RANBP2: variants seen among roughly 807,000 people sequenced by gnomAD.
RANBP2 encodes E3 SUMO-protein ligase RanBP2.
RANBP2 carries 57 observed loss-of-function variants against 303.6 expected under a neutral mutation model. The ratio of observed to expected loss-of-function variants is 0.19; its 90% CI spans 0.15 to 0.23. RANBP2 has a LOEUF of 0.23. Ranked by LOEUF, RANBP2 falls within the 10% of genes least tolerant of loss-of-function variation. The pLI is 1.00. For synonymous variants in RANBP2, 1,167 were observed against 1,301.5 expected (o/e 0.90, Z 2.23); for missense variants, 3,138 against 3,780.8 (o/e 0.83, Z 4.46).
the RANBP2 span, among the ~76,000 whole-genome samples, chr2:109,175,513 G>A: frequency 3.3e-5 from 5 of 152,340 alleles, no homozygotes; most frequent in South Asian, 1.0e-3. Context: ...TTAACTGAGA[G>A]CAAACAAGGA....
chr2:109,432,387 A>C, the RANBP2 span: 1 of 1,330,088 alleles, frequency 7.5e-7, no homozygotes, highest in East Asian at 2.5e-5. Flanking sequence ...CATAGACTCT[A>C]GTGGGTCTTT....
the RANBP2 span, among the ~76,000 whole-genome samples, chr2:108,960,183 C>T: frequency 2.6e-5 from 4 of 152,140 alleles, no homozygotes; most frequent in Non-Finnish European, 5.9e-5. Flanking sequence ...CCTGGGTGTC[C>T]TGGCAACCAC....
chr2:109,690,506 A>G, the RANBP2 span, among the ~76,000 whole-genome samples: 4 of 152,192 alleles, frequency 2.6e-5, no homozygotes, highest in East Asian at 1.9e-4. Flanking sequence ...TGACTTTCCC[A>G]TTTAGCTTAG....
chr2:109,403,083 C>T, the RANBP2 span, among the ~76,000 whole-genome samples: 4 of 152,288 alleles, frequency 2.6e-5, no homozygotes, highest in South Asian at 8.3e-4. Flanking sequence ...TTTGCTCTTT[C>T]TTTGGTGTTG....
At chr2:109,327,965 C>T in the RANBP2 span, among the ~76,000 whole-genome samples, 1 of 152,192 alleles carries the variant, frequency 6.6e-6, no homozygotes, top group Non-Finnish European at 1.5e-5. Flanking sequence ...CTGTGTCAGG[C>T]GATATCCAGC....
chr2:108,973,561 G>A, the RANBP2 span, among the ~76,000 whole-genome samples: 1 of 152,208 alleles, frequency 6.6e-6, no homozygotes, highest in Non-Finnish European at 1.5e-5. Context: ...CAGCCTGTGA[G>A]TGTGGCTCCT....
chr2:109,585,100 T>C, the RANBP2 span: 1 of 1,455,834 alleles, frequency 6.9e-7, no homozygotes, highest in Non-Finnish European at 9.2e-7. Context: ...GAAAAACTTG[T>C]TTTATTACAA....
At chr2:109,689,619 A>G in the RANBP2 span, among the ~76,000 whole-genome samples, 7 of 152,296 alleles carry the variant, frequency 4.6e-5, no homozygotes, top group African/African-American at 1.7e-4. Context: ...AAATCCAGCC[A>G]GGCCTTCAAC....
At chr2:109,485,348 A>G in the RANBP2 span, among the ~76,000 whole-genome samples, 1 of 152,234 alleles carries the variant, frequency 6.6e-6, no homozygotes, top group Non-Finnish European at 1.5e-5. Context: ...AATGACTTGT[A>G]TCTCTGTTTA....
chr2:108,885,972 T>C, the RANBP2 span, among the ~76,000 whole-genome samples: 1 of 152,208 alleles, frequency 6.6e-6, no homozygotes, highest in Non-Finnish European at 1.5e-5. Context: ...AGTGTTTCAT[T>C]GTGTATATGT....
chr2:109,383,262 A>G, the RANBP2 span, among the ~76,000 whole-genome samples: 7 of 152,288 alleles, frequency 4.6e-5, no homozygotes, highest in South Asian at 1.2e-3. Flanking sequence ...AGAAGAAACC[A>G]TGTCTGATTT....
At chr2:109,519,108 G>A in the RANBP2 span, among the ~76,000 whole-genome samples, 3 of 151,598 alleles carry the variant, frequency 2.0e-5, no homozygotes, top group East Asian at 1.9e-4. Flanking sequence ...TAGTAGAGAC[G>A]GGGTTTCACC....
the RANBP2 span, among the ~76,000 whole-genome samples, chr2:109,493,484 C>A: frequency 5.3e-5 from 8 of 151,502 alleles, no homozygotes; most frequent in African/African-American, 1.9e-4. Context: ...AACACATACC[C>A]CACATACACC....
the RANBP2 span, among the ~76,000 whole-genome samples, chr2:108,828,342 A>G: frequency 1.3e-5 from 2 of 152,240 alleles, no homozygotes; most frequent in Admixed American, 6.5e-5. Context: ...TTTATATGTC[A>G]AAGAATACTA....
intron 1 of RANBP2, among the ~76,000 whole-genome samples, chr2:108,727,730 G>A (rs1694844401): frequency 6.6e-6 from 1 of 151,172 alleles, no homozygotes; most frequent in African/African-American, 2.4e-5. Context: ...AGCCTCCCAA[G>A]CAGTGGGGAT....
chr2:109,288,227 C>G, the RANBP2 span, among the ~76,000 whole-genome samples: 2 of 152,186 alleles, frequency 1.3e-5, no homozygotes, highest in Non-Finnish European at 2.9e-5. Context: ...ATCCCTGGGC[C>G]TCAAGAACAA....
chr2:109,563,644 G>A, the RANBP2 span, among the ~76,000 whole-genome samples: 1 of 152,106 alleles, frequency 6.6e-6, no homozygotes, highest in Non-Finnish European at 1.5e-5. Flanking sequence ...TTATATTACT[G>A]AGCAAGGAAG....
chr2:109,504,405 C>G, the RANBP2 span: 1 of 152,290 alleles, frequency 6.6e-6, no homozygotes, highest in African/African-American at 2.4e-5. Flanking sequence ...GCCACGGGTG[C>G]TCTCCTGGCA....
the RANBP2 span, among the ~76,000 whole-genome samples, chr2:108,944,979 G>T: frequency 6.6e-6 from 1 of 152,180 alleles, no homozygotes; most frequent in Non-Finnish European, 1.5e-5. Flanking sequence ...AAAGGGCAAG[G>T]TTTCAGTGAT....
Sources: allele counts gnomAD v4.1 joint callset (sites outside exome capture counted in the v4.1 genomes callset), GRCh38; gene constraint gnomAD v4.1.1; transcripts MANE v1.5; gene names NCBI Gene and HGNC (gene_info 2026-07-23, HGNC 2026-07-21).